PRR5: variants seen among roughly 807,000 people sequenced by gnomAD.
The protein encoded by PRR5 is proline rich 5.
PRR5 carries 25 observed loss-of-function variants against 30.6 expected under a neutral mutation model. That is an observed-to-expected ratio of 0.82 (90% CI 0.60 to 1.14). The LOEUF (loss-of-function observed/expected upper bound fraction) is 1.14, where lower values mean the gene tolerates loss of function less well. PRR5 is among the 50% of genes most tolerant of loss of function. The probability of loss-of-function intolerance (pLI) is 0.00; values close to 1 mark genes in which losing one functional copy is unlikely to be tolerated. For synonymous variants in PRR5, 286 were observed against 247.1 expected, an observed-to-expected ratio of 1.16 and a Z score of -1.48; for missense variants, 600 against 547.1, an observed-to-expected ratio of 1.10 and a Z score of -0.96.
At chr22:44,734,739 T>C in intron 6 of PRR5, 1 of 463,032 alleles carries the variant, frequency 2.2e-6, no homozygotes, top group South Asian at 3.1e-5. Flanking sequence ...CTCCGAGGGG[T>C]GGAAGGTGCA....
chr22:44,707,119 C>T (rs901875526), intron 1 of PRR5, among the ~76,000 whole-genome samples: 1 of 152,206 alleles, frequency 6.6e-6, no homozygotes, highest in Non-Finnish European at 1.5e-5. Context: ...CCTCCCTCCT[C>T]AAGGGCCCCT....
chr22:44,677,058 T>G (rs1402811870), exon 1 of PRR5: 2 of 152,346 alleles, frequency 1.3e-5, no homozygotes, highest in Non-Finnish European at 2.9e-5. Context: ...GTGTAAGCCA[T>G]TCGGCTGCCC....
chr22:44,730,011 A>C (rs1921651093), intron 4 of PRR5: 2 of 985,300 alleles, frequency 2.0e-6, no homozygotes, highest in Non-Finnish European at 2.4e-6. Context: ...CCTCAGAGCC[A>C]GGTTTGGGCT....
chr22:44,720,170 T>TGCTCA (rs1331900858), intron 2 of PRR5, among the ~76,000 whole-genome samples: 3 of 152,230 alleles, frequency 2.0e-5, no homozygotes, highest in Non-Finnish European at 2.9e-5. Context: ...AGGGAGCCCG[T>TGCTCA]GCTCAGCTCA....
At chr22:44,714,564 G>A (rs1337308291) in intron 1 of PRR5, 27 bp from the exon 2 acceptor site, 6 of 1,611,072 alleles carry the variant, frequency 3.7e-6, no homozygotes, top group Admixed American at 3.3e-5. Flanking sequence ...CCTCAGGACT[G>A]CAGTGTTTTC....
chr22:44,709,694 A>C (rs1569087299), intron 1 of PRR5, among the ~76,000 whole-genome samples: 1 of 152,150 alleles, frequency 6.6e-6, no homozygotes, highest in Non-Finnish European at 1.5e-5. Context: ...TCTACTAAAA[A>C]TACAAAAATT....
Position 44,670,951 on chromosome 22 carries a change from G to A in PRR5, c.-11+2146G>A, listed in dbSNP as rs140212563. On this transcript the variant is annotated intron_variant, in intron 1 of 8. Coordinates refer to the PRR5 transcript ENST00000432186. ...CATGTGTGAGAAGAACAGAGCTCTC[G>A]TGAGACTCCCATAGAGGAGGGGAGT... Among the ~76,000 whole-genome samples, 278 of 152,296 alleles carry A rather than the reference G, an allele frequency of 1.8e-3. 4 individuals are homozygous for A. Among genetic ancestry groups the A allele is most frequent in the African/African-American group, 6.4e-3 (266 of 41,566 alleles).
chr22:44,679,622 A>T (rs1221317258), intron 1 of PRR5: 1 of 532,950 alleles, frequency 1.9e-6, no homozygotes, highest in African/African-American at 1.9e-5. Flanking sequence ...GAGGAGAAGC[A>T]CTTGAACCCA....
At chr22:44,717,189 C>CTTT (rs57193514) in intron 2 of PRR5, among the ~76,000 whole-genome samples, 5,896 of 116,678 alleles carry the variant, frequency 0.051, 329 homozygotes, top group South Asian at 0.081. Flanking sequence ...CCCCCTTACC[C>CTTT]TTTTTTTTTT....
intron 4 of PRR5, among the ~76,000 whole-genome samples, chr22:44,728,413 G>A (rs1408782011): frequency 1.3e-5 from 2 of 152,260 alleles, no homozygotes; most frequent in African/African-American, 4.8e-5. Flanking sequence ...AGATGGAGGA[G>A]AACCTGGCCC....
chr22:44,732,233 G>A lies in PRR5; in HGVS notation c.415-18G>A, dbSNP rs749859021. On this transcript the variant is annotated intron_variant, in intron 5 of 7. Transcript: ENST00000336985. ...CATGTGACCACAGCCGGTGGGGTGG[G>A]GTGCCTTCCGTCCACAGGGCAAGGA... 6.2e-7 allele frequency: 1 copy of A among 1,608,950 alleles called. No homozygotes were observed. The highest frequency in any genetic ancestry group is 2.2e-5 in the East Asian group (1 of 44,812).
intron 4 of PRR5, chr22:44,729,270 TCC>T: frequency 1.1e-6 from 1 of 923,014 alleles, no homozygotes; most frequent in African/African-American, 1.8e-5. Context: ...TCCTCACTGT[TCC>T]TGAGTCTCCC....
At chr22:44,708,843 T>C (rs77178137) in intron 1 of PRR5, among the ~76,000 whole-genome samples, 18,134 of 151,478 alleles carry the variant, frequency 0.12, 2,077 homozygotes, top group African/African-American at 0.3. Flanking sequence ...GGTGGGCGCC[T>C]GTAGTCCTAG....
rs941779029 is a variant in PRR5 at position 44,670,619 on chromosome 22, C to T, written c.-11+1814C>T. On this transcript the variant is annotated intron_variant, in intron 1 of 8. Coordinates refer to the PRR5 transcript ENST00000432186. ...TGTCTTGGCTGTTTTAACTGGGTGG[C>T]GATGGGGATACTTGCATGGACTTAA... is the stretch of plus-strand genomic sequence containing the variant. 1.8e-4 allele frequency among the ~76,000 whole-genome samples: 27 copies of T among 152,326 alleles called. No individual in the cohort carries two copies. In the East Asian group the frequency reaches 4.2e-3, roughly 24 times the overall value.
intron 4 of PRR5, among the ~76,000 whole-genome samples, chr22:44,728,652 A>G (rs1419309211): frequency 6.6e-6 from 1 of 152,168 alleles, no homozygotes; most frequent in East Asian, 1.9e-4. Context: ...GTGGGGACAT[A>G]GCCACCTCCA....
rs115334134 is a variant in PRR5 at position 44,711,262 on chromosome 22, C to T, written c.135-3329C>T. Among the ~76,000 whole-genome samples, 585 of 152,272 alleles carry T rather than the reference C, an allele frequency of 3.8e-3. 5 individuals carry two copies. The highest frequency in any genetic ancestry group is 0.014 in the African/African-American group (566 of 41,548). Reference sequence around the variant, plus strand: ...GTAAGCCAAGTAGACACTTCCTCCCCCAAAAAGAAGTAGCTAGCTTTCCCA... The same window carrying T: ...GTAAGCCAAGTAGACACTTCCTCCCTCAAAAAGAAGTAGCTAGCTTTCCCA... On this transcript the variant is annotated intron_variant, in intron 1 of 7. Transcript: ENST00000336985.
chr22:44,702,427 G>A lies in PRR5; in HGVS notation c.-48G>A. 7.9e-7 allele frequency: 1 copy of A among 1,266,318 alleles called. No homozygotes were observed. The highest frequency in any genetic ancestry group is 1.0e-6 in the Non-Finnish European group (1 of 1,004,466). 78.4% of individuals were successfully genotyped at this position (1,266,318 alleles called of 1,614,324 possible). A position where few individuals can be genotyped will look rare whatever the true frequency, so the allele number is the denominator to read the frequency against. Reference sequence around the variant, plus strand: ...GGCCCTTGGTGCGGCGTGGCGCAGGGCGCGGCGTGGGGCGCGCGTGGGCGC... The same window carrying A: ...GGCCCTTGGTGCGGCGTGGCGCAGGACGCGGCGTGGGGCGCGCGTGGGCGC... On this transcript the variant is annotated 5_prime_UTR_variant, in exon 1 of 8. Transcript: ENST00000336985.
chr22:44,720,573 C>T (rs1403047715), intron 2 of PRR5, among the ~76,000 whole-genome samples: 2 of 152,164 alleles, frequency 1.3e-5, no homozygotes, highest in Non-Finnish European at 2.9e-5. Context: ...GTTGCCCGTC[C>T]GTTTAGCATT....
intron 2 of PRR5, among the ~76,000 whole-genome samples, chr22:44,715,445 C>T (rs897963897): frequency 5.9e-5 from 9 of 152,202 alleles, no homozygotes; most frequent in African/African-American, 9.7e-5. Context: ...CATACGCAGG[C>T]GCCCCCCTCC....
Sources: gnomAD v4.1 joint callset for allele counts (sites outside exome capture counted in the v4.1 genomes callset) on GRCh38, gnomAD v4.1.1 for gene constraint, MANE v1.5 for transcripts, NCBI Gene and HGNC (gene_info 2026-07-23, HGNC 2026-07-21) for gene names.